CADM2: variants seen among roughly 807,000 people sequenced by gnomAD.
CADM2 encodes the protein cell adhesion molecule 2.
Under a neutral mutation model 49.8 loss-of-function variants are expected in CADM2, and 12 were observed. The observed-to-expected ratio is 0.24, with a 90% confidence interval of 0.15 to 0.39. The LOEUF (loss-of-function observed/expected upper bound fraction) is 0.39, where lower values mean the gene tolerates loss of function less well. Ranked by LOEUF, CADM2 falls within the 10% of genes least tolerant of loss-of-function variation. The pLI, the probability that CADM2 is intolerant of heterozygous loss-of-function variation, is 1.00. For synonymous variants in CADM2, 214 were observed against 175.4 expected, an observed-to-expected ratio of 1.22 and a Z score of -1.74; for missense variants, 378 against 492.3, an observed-to-expected ratio of 0.77 and a Z score of 2.20.
chr3:85,062,230 T>C (rs2036357535), intron 1 of CADM2, among the ~76,000 whole-genome samples: 1 of 152,078 alleles, frequency 6.6e-6, no homozygotes, highest in Non-Finnish European at 1.5e-5. Flanking sequence ...TCTTGGGCAA[T>C]CAACACTGTG....
At chr3:85,926,355 C>T (rs543351617) in intron 6 of CADM2, among the ~76,000 whole-genome samples, 118 of 151,972 alleles carry the variant, frequency 7.8e-4, no homozygotes, top group African/African-American at 2.8e-3. Flanking sequence ...TTCTCCGTTC[C>T]TCTAACAAGC....
At chr3:85,568,509 T>TTCTTTC (rs2062378252) in intron 1 of CADM2, among the ~76,000 whole-genome samples, 1 of 144,566 alleles carries the variant, frequency 6.9e-6, no homozygotes, top group African/African-American at 2.6e-5. Flanking sequence ...CTTTCTTTCT[T>TTCTTTC]TCTTTCCTCC....
intron 1 of CADM2, among the ~76,000 whole-genome samples, chr3:85,610,298 G>A (rs2063646250): frequency 6.6e-6 from 1 of 151,878 alleles, no homozygotes; most frequent in Non-Finnish European, 1.5e-5. Context: ...TAAATACATT[G>A]TGAATACCTA....
At chr3:86,017,105 G>A (rs1459365455) in intron 8 of CADM2, among the ~76,000 whole-genome samples, 6 of 148,802 alleles carry the variant, frequency 4.0e-5, no homozygotes, top group African/African-American at 7.4e-5. Context: ...AGCTAATATG[G>A]GTTCATACTA....
chr3:85,234,414 A>C (rs2042366692), intron 1 of CADM2, among the ~76,000 whole-genome samples: 2 of 152,086 alleles, frequency 1.3e-5, no homozygotes, highest in South Asian at 4.1e-4. Context: ...TCTAAATCTC[A>C]ATTTCCTCAG....
intron 2 of CADM2, among the ~76,000 whole-genome samples, chr3:85,755,055 A>G (rs1207711947): frequency 6.6e-6 from 1 of 152,216 alleles, no homozygotes; most frequent in East Asian, 1.9e-4. Context: ...TCTGGCACCA[A>G]CTGGACGTCC....
chr3:85,121,468 T>C (rs753626633), intron 1 of CADM2, among the ~76,000 whole-genome samples: 1 of 152,092 alleles, frequency 6.6e-6, no homozygotes, highest in African/African-American at 2.4e-5. Flanking sequence ...GAAAGTGATC[T>C]GCAAAGGATA....
At chr3:85,142,337 T>C (rs1248270761) in intron 1 of CADM2, among the ~76,000 whole-genome samples, 2 of 152,190 alleles carry the variant, frequency 1.3e-5, no homozygotes, top group Admixed American at 6.5e-5. Flanking sequence ...TCAGTTAAAA[T>C]ACGTCATATC....
chr3:85,705,195 A>G (rs142047470), intron 1 of CADM2, among the ~76,000 whole-genome samples: 183 of 150,842 alleles, frequency 1.2e-3, no homozygotes, highest in African/African-American at 3.4e-3. Flanking sequence ...TTAACAAATA[A>G]TGAGTAAATT....
intron 1 of CADM2, among the ~76,000 whole-genome samples, chr3:85,192,030 T>C (rs2041221731): frequency 6.6e-6 from 1 of 151,676 alleles, no homozygotes; most frequent in South Asian, 2.1e-4. Context: ...ATAAACTCAG[T>C]TGTTCAAATG....
intron 1 of CADM2, among the ~76,000 whole-genome samples, chr3:84,981,226 T>C (rs1384807933): frequency 6.7e-6 from 1 of 149,264 alleles, no homozygotes; most frequent in Non-Finnish European, 1.5e-5. Flanking sequence ...GAATATGTGG[T>C]GTTTGGTTTT....
In CADM2 at chr3:85,080,872, T is replaced by C. The variant is rs542747210; in HGVS notation, c.61+121204T>C. Among the ~76,000 whole-genome samples, 3 of 152,188 alleles carry C rather than the reference T, an allele frequency of 2.0e-5. No homozygotes were observed. The South Asian group carries it at 6.2e-4, about 32-fold the overall frequency. ...ACATTTATGTTTCTAAAAATTACAC[T>C]ACACATTCACCTTCTTATACTAAAA... On this transcript the variant is annotated intron_variant, in intron 1 of 9. Coordinates refer to ENST00000383699, the MANE Select transcript of CADM2 (RefSeq NM_001167675.2).
At chr3:85,431,062 C>T (rs2036640162) in intron 1 of CADM2, among the ~76,000 whole-genome samples, 1 of 152,106 alleles carries the variant, frequency 6.6e-6, no homozygotes, top group East Asian at 1.9e-4. Context: ...ATTATAATAT[C>T]ACATTTTTAC....
At chr3:86,060,637 G>A (rs534100086) in intron 8 of CADM2, among the ~76,000 whole-genome samples, 4 of 152,164 alleles carry the variant, frequency 2.6e-5, no homozygotes, top group African/African-American at 9.6e-5. Flanking sequence ...CACAGGTATG[G>A]CTTTATTAGC....
rs73143382 is a variant in CADM2, at chr3:85,678,836, C to T, written c.62-47686C>T. Among the ~76,000 whole-genome samples the T allele has an allele frequency of 9.9e-3, 1,509 of 152,132 alleles. 16 individuals are homozygous for T. The highest frequency in any genetic ancestry group is 0.041 in the Middle Eastern group (12 of 294). ...GATCTCAACTGGGGTGAATTTTGTT[C>T]CCTAGCTGACATTTGGCAATGTCTG... On this transcript the variant is annotated intron_variant, in intron 1 of 9. Coordinates refer to ENST00000383699, the MANE Select transcript of CADM2 (RefSeq NM_001167675.2).
chr3:85,621,146 T>A (rs1221989902), intron 1 of CADM2, among the ~76,000 whole-genome samples: 1 of 152,174 alleles, frequency 6.6e-6, no homozygotes, highest in African/African-American at 2.4e-5. Flanking sequence ...AGACGCACAA[T>A]TATTTTCTAG....
rs559180178 is a variant in CADM2, at chr3:85,756,085, C to A, written c.88+29537C>A. ...GTTGAAAGGGGCTCATGATGAATAA[C>A]AAAAGACATGCCTATGGCTCAGAAA... is the stretch of plus-strand genomic sequence containing the variant. On this transcript the variant is annotated intron_variant, in intron 2 of 9. Transcript: ENST00000383699. Among the ~76,000 whole-genome samples the A allele has an allele frequency of 3.9e-5, 6 of 152,138 alleles. No individual in the cohort carries two copies. In the South Asian group the frequency reaches 1.2e-3, roughly 32 times the overall value.
intron 1 of CADM2, among the ~76,000 whole-genome samples, chr3:85,100,392 T>C (rs974630305): frequency 2.0e-5 from 3 of 152,216 alleles, no homozygotes; most frequent in Non-Finnish European, 4.4e-5. Context: ...ACATATTTGC[T>C]TCATGTCTTG....
intron 1 of CADM2, among the ~76,000 whole-genome samples, chr3:85,139,017 A>G (rs888809449): frequency 6.6e-6 from 1 of 152,182 alleles, no homozygotes; most frequent in Non-Finnish European, 1.5e-5. Flanking sequence ...AGCTCATTGC[A>G]AGGAAAAGTG....
Sources: gnomAD v4.1 joint callset for allele counts (sites outside exome capture counted in the v4.1 genomes callset) on GRCh38, gnomAD v4.1.1 for gene constraint, MANE v1.5 for transcripts, NCBI Gene and HGNC (gene_info 2026-07-23, HGNC 2026-07-21) for gene names.